TARS3: variants seen among roughly 807,000 people sequenced by gnomAD.
The protein encoded by TARS3 is threonine--tRNA ligase 2, cytoplasmic.
TARS3 carries 94 observed loss-of-function variants against 103.5 expected under a neutral mutation model. The observed-to-expected ratio is 0.91, with a 90% CI of 0.77 to 1.08. TARS3 has a LOEUF of 1.08. Among genes scored for constraint, TARS3 ranks in the 50% least tolerant of loss-of-function variants. The pLI is 0.00. For synonymous variants in TARS3, 416 were observed against 355.4 expected (o/e 1.17, Z -1.92); for missense variants, 952 against 995.2 (o/e 0.96, Z 0.58).
chr15:101,720,084 C>G (rs1900371990), intron 3 of TARS3, among the ~76,000 whole-genome samples: 2 of 152,226 alleles, frequency 1.3e-5, no homozygotes, highest in African/African-American at 4.8e-5. Flanking sequence ...AACCTGTTTT[C>G]TCCTAGCACA....
intron 10 of TARS3, chr15:101,699,302 C>T (rs145457718): frequency 1.7e-5 from 7 of 421,892 alleles, no homozygotes; most frequent in South Asian, 1.0e-4. Context: ...TTCCAAGCCT[C>T]AGGGACCCTT....
At chr15:101,706,050 G>A (rs746936532) in intron 6 of TARS3, among the ~76,000 whole-genome samples, 11 of 152,108 alleles carry the variant, frequency 7.2e-5, no homozygotes, top group Admixed American at 4.6e-4. Context: ...TGCAACGTCC[G>A]TCTCCCTGGT....
intron 1 of TARS3, among the ~76,000 whole-genome samples, chr15:101,723,373 T>C (rs867039965): frequency 1.1e-4 from 16 of 152,268 alleles, no homozygotes; most frequent in African/African-American, 3.6e-4. Flanking sequence ...ATTTAATATA[T>C]TGTGCTCTTG....
chr15:101,660,766 C>G (rs1020910294), intron 16 of TARS3, among the ~76,000 whole-genome samples: 1 of 152,194 alleles, frequency 6.6e-6, no homozygotes, highest in Non-Finnish European at 1.5e-5. Flanking sequence ...AAGTCCATGT[C>G]TTTGAGCCCA....
intron 10 of TARS3, among the ~76,000 whole-genome samples, chr15:101,699,023 C>A (rs1380696765): frequency 6.6e-6 from 1 of 152,164 alleles, no homozygotes; most frequent in African/African-American, 2.4e-5. Context: ...TGATCGAATT[C>A]AATGATCAGT....
Position 101,654,605 on chromosome 15 carries a change from G to A in TARS3, c.2386C>T (p.Leu796Phe). The change falls in exon 19 of 19, where the codon CTC (leucine) becomes TTC (phenylalanine). Residue 796 changes from leucine (L) to phenylalanine (F), a missense_variant. This residue lies in a region of TARS3 where 540 missense variants were observed against 631.0 expected (regional missense o/e 0.86). Transcript: ENST00000335968. ...KLKNLRKTRT[L>F]NAEEAF Reference sequence around the variant, plus strand: ...CTTCAAAAGGCCTCCTCAGCATTGAGTGTCCGTGTCTTCCTGAGATTCTTC... The same window carrying A: ...CTTCAAAAGGCCTCCTCAGCATTGAATGTCCGTGTCTTCCTGAGATTCTTC... 4 of 1,614,068 alleles carry A rather than the reference G, an allele frequency of 2.5e-6. No individual in the cohort carries two copies. Among genetic ancestry groups the A allele is most frequent in the Non-Finnish European group, 3.4e-6 (4 of 1,180,008 alleles).
intron 10 of TARS3, among the ~76,000 whole-genome samples, chr15:101,698,367 AT>A (rs575544036): frequency 0.011 from 1,661 of 147,916 alleles, 31 homozygotes; most frequent in African/African-American, 0.037. Context: ...TACATAAATA[AT>A]TTTTTTTTTT....
chr15:101,668,401 T>C (rs1433852816), intron 15 of TARS3, among the ~76,000 whole-genome samples: 1 of 152,172 alleles, frequency 6.6e-6, no homozygotes, highest in Non-Finnish European at 1.5e-5. Flanking sequence ...ACGACATTTA[T>C]CGGTAAAGTT....
chr15:101,713,542 A>AGAGGGAGAGAAGTGGG (rs60320395), intron 4 of TARS3, among the ~76,000 whole-genome samples: 1 of 151,972 alleles, frequency 6.6e-6, no homozygotes, highest in Non-Finnish European at 1.5e-5. Context: ...GTGGCAATGG[A>AGAGGGAGAGAAGTGGG]CAGATTCTAG....
chr15:101,684,899 C>T (rs1040295135), intron 11 of TARS3, among the ~76,000 whole-genome samples: 4 of 152,056 alleles, frequency 2.6e-5, no homozygotes, highest in African/African-American at 7.2e-5. Context: ...TTATAAAGTA[C>T]GAGGCTATAA....
At chr15:101,676,613 C>T (rs951354715) in intron 12 of TARS3, among the ~76,000 whole-genome samples, 3 of 152,068 alleles carry the variant, frequency 2.0e-5, no homozygotes, top group African/African-American at 7.2e-5. Context: ...GTTCTCATGC[C>T]TCAGGCTCCC....
At chr15:101,664,572 A>G (rs1164500698) in intron 15 of TARS3, 3 of 152,140 alleles carry the variant, frequency 2.0e-5, no homozygotes, top group Admixed American at 6.5e-5. Context: ...CTGAACTGAC[A>G]CCGAACCGCA....
intron 11 of TARS3, among the ~76,000 whole-genome samples, chr15:101,685,539 G>A (rs1898432121): frequency 6.6e-6 from 1 of 152,104 alleles, no homozygotes; most frequent in South Asian, 2.1e-4. Context: ...CATTGATCTT[G>A]TTATAATCCA....
At chr15:101,658,733 G>T (rs935548833) in intron 16 of TARS3, among the ~76,000 whole-genome samples, 1 of 152,348 alleles carries the variant, frequency 6.6e-6, no homozygotes, top group South Asian at 2.1e-4. Context: ...ATTGTATCTA[G>T]TTTTGCAAGA....
At chr15:101,712,587 G>A (rs865941027) in intron 4 of TARS3, among the ~76,000 whole-genome samples, 1 of 152,144 alleles carries the variant, frequency 6.6e-6, no homozygotes, top group Non-Finnish European at 1.5e-5. Flanking sequence ...TGCCTGGGAC[G>A]CCTGAGAAGT....
intron 15 of TARS3, among the ~76,000 whole-genome samples, chr15:101,664,766 G>GAAGAAAAGACAAACAACAGTCCAGCAGC (rs1897513371): frequency 6.6e-6 from 1 of 152,148 alleles, no homozygotes; most frequent in African/African-American, 2.4e-5. Context: ...CAATTTGTGA[G>GAAGAAAAGACAAACAACAGTCCAGCAGC]AAGAAAAGAC....
chr15:101,661,101 GGATGCACCACTCAAAAAGGACCACAA>G (rs1389205641), intron 16 of TARS3, among the ~76,000 whole-genome samples: 8 of 88,990 alleles, frequency 9.0e-5, no homozygotes, highest in East Asian at 2.2e-4. Flanking sequence ...AAGGACCACA[GGATGCACCACTCAAAAAGGACCACAA>G]GATGCACCAC....
At chr15:101,657,076 A>G in intron 17 of TARS3, 40 bp from the exon 18 acceptor site, 1 of 1,355,836 alleles carries the variant, frequency 7.4e-7, no homozygotes, top group Non-Finnish European at 1.1e-6. Flanking sequence ...ACATTATGGT[A>G]CCTAGCCTCC....
intron 6 of TARS3, among the ~76,000 whole-genome samples, chr15:101,707,316 C>A (rs1899619483): frequency 6.6e-6 from 1 of 152,180 alleles, no homozygotes; most frequent in East Asian, 1.9e-4. Flanking sequence ...GCCATAGGAT[C>A]CAGAAATTCC....
Sources: allele counts gnomAD v4.1 joint callset (sites outside exome capture counted in the v4.1 genomes callset), GRCh38; gene constraint gnomAD v4.1.1; regional missense constraint gnomAD v4.1.1; transcripts MANE v1.5; gene names NCBI Gene and HGNC (gene_info 2026-07-23, HGNC 2026-07-21).